The following CDH17 variants were observed in gnomAD, a reference collection of about 807,000 sequenced individuals.
CDH17 encodes the protein cadherin-17.
CDH17 carries 67 observed loss-of-function variants against 86.3 expected under a neutral mutation model. The observed-to-expected ratio is 0.78, with a 90% CI of 0.64 to 0.95. The LOEUF (loss-of-function observed/expected upper bound fraction) is 0.95, where lower values mean the gene tolerates loss of function less well. Among genes scored for constraint, CDH17 ranks in the 40% least tolerant of loss-of-function variants. CDH17 has a pLI of 0.00. For synonymous variants in CDH17, 367 were observed against 366.4 expected (o/e 1.00, Z -0.02); for missense variants, 993 against 1,017.6 (o/e 0.98, Z 0.33).
chr8:94,156,783 G>A (rs567444808), intron 12 of CDH17, among the ~76,000 whole-genome samples: 1 of 152,202 alleles, frequency 6.6e-6, no homozygotes, highest in Non-Finnish European at 1.5e-5. Flanking sequence ...GTGATGCCAC[G>A]TGTTTAAGTC....
In CDH17 at chr8:94,151,853, A is replaced by G. The variant is rs377285926; in HGVS notation, c.1796+15T>C. On this transcript the variant is annotated intron_variant, in intron 13 of 17. Coordinates refer to ENST00000027335, the MANE Select transcript of CDH17 (RefSeq NM_004063.4). ...GACCACGCAGCCAGGCCTGCCCAGC[A>G]CTGTTGCCCTTTACCTTATGTCCAG... 2.9e-4 allele frequency: 467 copies of G among 1,613,924 alleles called. 4 individuals carry two copies. In the South Asian group the frequency reaches 3.9e-3, roughly 14 times the overall value.
chr8:94,194,067 T>C (rs1169163224), intron 2 of CDH17, among the ~76,000 whole-genome samples: 1 of 152,122 alleles, frequency 6.6e-6, no homozygotes, highest in African/African-American at 2.4e-5. Context: ...GCACCTACTG[T>C]TTACCCCAAG....
intron 5 of CDH17, among the ~76,000 whole-genome samples, chr8:94,175,497 T>C (rs1487818361): frequency 1.3e-5 from 2 of 152,170 alleles, no homozygotes; most frequent in Admixed American, 1.3e-4. Context: ...ATTAGTATTA[T>C]TTTAAATGAA....
chr8:94,194,723 A>T lies in CDH17; in HGVS notation c.-20-18T>A, dbSNP rs866506612. 2.7e-5 allele frequency: 37 copies of T among 1,374,244 alleles called. No individual in the cohort carries two copies. In the Middle Eastern group the frequency reaches 5.0e-3, roughly 186 times the overall value. 85.1% of individuals were successfully genotyped at this position (1,374,244 alleles called of 1,614,324 possible). On this transcript the variant is annotated intron_variant, in intron 1 of 17. Coordinates refer to ENST00000027335, the MANE Select transcript of CDH17 (RefSeq NM_004063.4). Reference sequence around the variant, plus strand: ...TCAAATTCCTGTGAAGGAACCAGATAAAAAAATGGTTAGTTACCAGTCTGT... The same window carrying T: ...TCAAATTCCTGTGAAGGAACCAGATTAAAAAATGGTTAGTTACCAGTCTGT...
intron 15 of CDH17, among the ~76,000 whole-genome samples, chr8:94,132,951 C>A (rs374618468): frequency 1.3e-5 from 2 of 151,936 alleles, no homozygotes; most frequent in East Asian, 1.9e-4. Context: ...TGTTTTTCTC[C>A]GGTTTGTCAA....
intron 3 of CDH17, among the ~76,000 whole-genome samples, chr8:94,188,046 A>G (rs1336169421): frequency 6.6e-6 from 1 of 152,136 alleles, no homozygotes; most frequent in Non-Finnish European, 1.5e-5. Context: ...TCCTCTGTGG[A>G]GGGGAACTGT....
chr8:94,138,819 A>G (rs982413126), intron 15 of CDH17, among the ~76,000 whole-genome samples: 2 of 152,220 alleles, frequency 1.3e-5, no homozygotes, highest in Non-Finnish European at 2.9e-5. Flanking sequence ...CCTAGAATAA[A>G]TGCTGCCCTG....
chr8:94,165,614 T>A (rs1309342524), intron 10 of CDH17, 147 bp downstream of exon 10: 2 of 660,134 alleles, frequency 3.0e-6, no homozygotes, highest in Non-Finnish European at 5.4e-6. Flanking sequence ...CAACCAGCTA[T>A]CTCTGTGTTA....
At chr8:94,139,097 A>G (rs1197225141) in intron 15 of CDH17, among the ~76,000 whole-genome samples, 1 of 152,178 alleles carries the variant, frequency 6.6e-6, no homozygotes, top group Non-Finnish European at 1.5e-5. Flanking sequence ...TTATAATTAT[A>G]TTCTATATGT....
chr8:94,140,612 A>T (rs1243465251), intron 15 of CDH17, among the ~76,000 whole-genome samples: 1 of 152,204 alleles, frequency 6.6e-6, no homozygotes, highest in Non-Finnish European at 1.5e-5. Context: ...ATAAAACAAA[A>T]ACAGAAAAAA....
chr8:94,156,536 CT>C (rs1342913752), intron 12 of CDH17, among the ~76,000 whole-genome samples: 1 of 152,146 alleles, frequency 6.6e-6, no homozygotes, highest in Admixed American at 6.5e-5. Context: ...GAGGCTGGAG[CT>C]TGGGCAGAAG....
At chr8:94,213,579 C>T (rs1814154081) in intron 1 of CDH17, among the ~76,000 whole-genome samples, 1 of 90,342 alleles carries the variant, frequency 1.1e-5, no homozygotes, top group African/African-American at 3.5e-5. Flanking sequence ...CAAGAAATGA[C>T]CATCATTCTT....
intron 12 of CDH17, among the ~76,000 whole-genome samples, chr8:94,156,358 C>G (rs1812949182): frequency 6.6e-6 from 1 of 151,986 alleles, no homozygotes; most frequent in African/African-American, 2.4e-5. Flanking sequence ...AAAGGATCAG[C>G]CATAGTAGAG....
intron 15 of CDH17, among the ~76,000 whole-genome samples, chr8:94,134,571 C>A (rs536043091): frequency 1.1e-3 from 162 of 152,152 alleles, no homozygotes; most frequent in African/African-American, 3.8e-3. Context: ...GTCTTGCTAG[C>A]AGTCTATCAA....
intron 1 of CDH17, among the ~76,000 whole-genome samples, chr8:94,207,598 T>A (rs1009893377): frequency 6.6e-6 from 1 of 152,244 alleles, no homozygotes; most frequent in Non-Finnish European, 1.5e-5. Flanking sequence ...TCTAAACATG[T>A]GTTTTTTCTT....
chr8:94,210,256 T>TAAAAAAAAAAAA (rs1814101694), upstream of CDH17, among the ~76,000 whole-genome samples: 1 of 63,206 alleles, frequency 1.6e-5, no homozygotes, highest in African/African-American at 5.7e-5. Flanking sequence ...AAAAAAAAAG[T>TAAAAAAAAAAAA]CCAAGGGCAG....
chr8:94,187,535 T>C (rs1305260419), intron 3 of CDH17, among the ~76,000 whole-genome samples: 1 of 152,212 alleles, frequency 6.6e-6, no homozygotes, highest in Non-Finnish European at 1.5e-5. Context: ...CAGAGTCCCC[T>C]AGCCAGTTCC....
At chr8:94,172,150 G>A (rs1813282495) in intron 7 of CDH17, among the ~76,000 whole-genome samples, 1 of 151,636 alleles carries the variant, frequency 6.6e-6, no homozygotes, top group African/African-American at 2.4e-5. Flanking sequence ...GCAGCCCCAA[G>A]GCAACTAAGC....
intron 3 of CDH17, among the ~76,000 whole-genome samples, chr8:94,184,984 C>T (rs1429397477): frequency 6.6e-6 from 1 of 152,158 alleles, no homozygotes; most frequent in Non-Finnish European, 1.5e-5. Context: ...CTCCCCACCA[C>T]TGAAGCAAAG....
Sources: gnomAD v4.1 joint callset for allele counts (sites outside exome capture counted in the v4.1 genomes callset) on GRCh38, gnomAD v4.1.1 for gene constraint, MANE v1.5 for transcripts, NCBI Gene and HGNC (gene_info 2026-07-23, HGNC 2026-07-21) for gene names.